CHN1: variants seen among roughly 807,000 people sequenced by gnomAD.
The protein encoded by CHN1 is chimerin 1.
A neutral mutation model predicts 59.5 loss-of-function variants in CHN1; 37 were observed. The ratio of observed to expected loss-of-function variants is 0.62; its 90% CI spans 0.48 to 0.82. The LOEUF (loss-of-function observed/expected upper bound fraction) is 0.82. Among genes scored for constraint, CHN1 ranks in the 40% least tolerant of loss-of-function variants. The pLI is 0.00. For missense variants in CHN1, 469 were observed against 571.0 expected (o/e 0.82, Z 1.82); for synonymous variants, 206 against 200.4 (o/e 1.03, Z -0.24).
chr2:174,938,201 T>A (rs1216685978), intron 3 of CHN1, among the ~76,000 whole-genome samples: 1 of 152,168 alleles, frequency 6.6e-6, no homozygotes, highest in Non-Finnish European at 1.5e-5. Context: ...GAGTACATCT[T>A]TATCCTTACA....
intron 3 of CHN1, among the ~76,000 whole-genome samples, chr2:174,932,852 G>A (rs1181784916): frequency 2.0e-5 from 3 of 152,282 alleles, no homozygotes; most frequent in Non-Finnish European, 2.9e-5. Flanking sequence ...CATACTTCCT[G>A]TACAGCCTGT....
chr2:174,931,858 G>A (rs1419766230), intron 3 of CHN1, among the ~76,000 whole-genome samples: 3 of 152,172 alleles, frequency 2.0e-5, no homozygotes, highest in Admixed American at 6.5e-5. Flanking sequence ...CGGGAGGGCT[G>A]AGAAAGGATC....
chr2:174,841,151 T>C (rs1308719963), intron 7 of CHN1, among the ~76,000 whole-genome samples: 1 of 152,182 alleles, frequency 6.6e-6, no homozygotes, highest in Non-Finnish European at 1.5e-5. Context: ...AAGAACTTTG[T>C]GAAATGTTTC....
chr2:174,806,122 C>G (rs552553195), intron 11 of CHN1, among the ~76,000 whole-genome samples: 27 of 152,086 alleles, frequency 1.8e-4, no homozygotes, highest in Non-Finnish European at 3.7e-4. Flanking sequence ...AATGTCTTAA[C>G]TGCAGGGGGA....
chr2:174,960,185 A>G (rs1558998969), intron 1 of CHN1, among the ~76,000 whole-genome samples: 1 of 152,236 alleles, frequency 6.6e-6, no homozygotes, highest in African/African-American at 2.4e-5. Flanking sequence ...GCATACCTTT[A>G]GACCCAGCAG....
intron 1 of CHN1, among the ~76,000 whole-genome samples, chr2:174,973,231 C>T (rs1690815359): frequency 6.6e-6 from 1 of 152,188 alleles, no homozygotes; most frequent in Non-Finnish European, 1.5e-5. Context: ...ATAACCCATG[C>T]TTCAACATAT....
At chr2:174,880,545 G>T (rs1687700996) in intron 5 of CHN1, among the ~76,000 whole-genome samples, 1 of 152,142 alleles carries the variant, frequency 6.6e-6, no homozygotes, top group Non-Finnish European at 1.5e-5. Context: ...CCATAAAGGG[G>T]GAGATTCCAA....
chr2:175,003,808 T>C (rs1156477126), intron 1 of CHN1, among the ~76,000 whole-genome samples: 1 of 152,214 alleles, frequency 6.6e-6, no homozygotes, highest in Non-Finnish European at 1.5e-5. Context: ...AAGAGCCATG[T>C]GACTTTGGGA....
At chr2:174,873,270 T>C (rs1232100898) in intron 6 of CHN1, among the ~76,000 whole-genome samples, 1 of 151,870 alleles carries the variant, frequency 6.6e-6, no homozygotes, top group Non-Finnish European at 1.5e-5. Flanking sequence ...GAGCGAGAAG[T>C]GGATTTTAAA....
chr2:174,873,806 T>A (rs1687479234), intron 6 of CHN1, among the ~76,000 whole-genome samples: 1 of 152,120 alleles, frequency 6.6e-6, no homozygotes, highest in African/African-American at 2.4e-5. Flanking sequence ...TAAATTAATA[T>A]GACAATGTGC....
chr2:174,940,604 A>G (rs1689629719), intron 3 of CHN1, among the ~76,000 whole-genome samples: 1 of 151,986 alleles, frequency 6.6e-6, no homozygotes, highest in Non-Finnish European at 1.5e-5. Flanking sequence ...CACATTCTGA[A>G]TTTGTCTGAT....
chr2:174,824,545 C>CA, intron 7 of CHN1, 27 bp from the exon 8 acceptor site: 1 of 1,502,366 alleles, frequency 6.7e-7, no homozygotes, highest in Non-Finnish European at 9.1e-7. Flanking sequence ...GGGGCAAAGT[C>CA]AGGAAAGGGG....
At chr2:174,952,464 G>A (rs1690051873) in intron 1 of CHN1, among the ~76,000 whole-genome samples, 1 of 152,026 alleles carries the variant, frequency 6.6e-6, no homozygotes, top group Non-Finnish European at 1.5e-5. Flanking sequence ...TTTACTGCTG[G>A]TACTCATTTC....
At chr2:174,883,408 AC>A (rs1299096596) in intron 5 of CHN1, among the ~76,000 whole-genome samples, 22 of 152,208 alleles carry the variant, frequency 1.4e-4, no homozygotes, top group African/African-American at 5.1e-4. Context: ...ATTTCTCTTC[AC>A]CATGAGGCTA....
chr2:174,936,806 T>G (rs908306549), intron 3 of CHN1, among the ~76,000 whole-genome samples: 1 of 152,202 alleles, frequency 6.6e-6, no homozygotes, highest in African/African-American at 2.4e-5. Flanking sequence ...AAGATACAAC[T>G]GTATCATGTA....
At chr2:174,925,563 T>C (rs991508924) in intron 3 of CHN1, among the ~76,000 whole-genome samples, 7 of 152,134 alleles carry the variant, frequency 4.6e-5, no homozygotes, top group Non-Finnish European at 8.8e-5. Context: ...AAAAGAGACA[T>C]TTACCATCTT....
At chr2:174,894,980 C>G (rs1477430257) in intron 5 of CHN1, among the ~76,000 whole-genome samples, 1 of 151,732 alleles carries the variant, frequency 6.6e-6, no homozygotes, top group Admixed American at 6.6e-5. Context: ...GTATAAGCTA[C>G]CCACCTGTTA....
At chr2:174,912,302 A>T (rs1688727804) in intron 5 of CHN1, among the ~76,000 whole-genome samples, 1 of 152,244 alleles carries the variant, frequency 6.6e-6, no homozygotes, top group Non-Finnish European at 1.5e-5. Flanking sequence ...GGGCCTCTGG[A>T]TGAATAGTGC....
chr2:174,934,747 A>T (rs1431686627), intron 3 of CHN1, among the ~76,000 whole-genome samples: 1 of 152,238 alleles, frequency 6.6e-6, no homozygotes, highest in African/African-American at 2.4e-5. Context: ...ATGACATGAA[A>T]GAAGATTAGG....
Sources: gnomAD v4.1 joint callset for allele counts (sites outside exome capture counted in the v4.1 genomes callset) on GRCh38, gnomAD v4.1.1 for gene constraint, MANE v1.5 for transcripts, NCBI Gene and HGNC (gene_info 2026-07-23, HGNC 2026-07-21) for gene names.